The following KDM3A variants were observed in gnomAD, a reference collection of about 807,000 sequenced individuals.
KDM3A encodes lysine-specific demethylase 3A.
KDM3A carries 60 observed loss-of-function variants against 158.0 expected under a neutral mutation model. That is an observed-to-expected ratio of 0.38 (90% CI 0.31 to 0.47). The LOEUF (loss-of-function observed/expected upper bound fraction) is 0.47. Among genes scored for constraint, KDM3A ranks in the 20% least tolerant of loss-of-function variants. The pLI, the probability that KDM3A is intolerant of heterozygous loss-of-function variation, is 0.99. For synonymous variants in KDM3A, 608 were observed against 549.3 expected (o/e 1.11, Z -1.49); for missense variants, 1,319 against 1,574.3 (o/e 0.84, Z 2.74).
At chr2:86,450,701 C>G (rs941383535) in intron 3 of KDM3A, among the ~76,000 whole-genome samples, 7 of 152,212 alleles carry the variant, frequency 4.6e-5, no homozygotes, top group East Asian at 3.9e-4. Flanking sequence ...GTGAAAAGAG[C>G]TGCTATGGAG....
intron 10 of KDM3A, among the ~76,000 whole-genome samples, chr2:86,469,358 CT>C (rs2104670976): frequency 6.6e-6 from 1 of 152,314 alleles, no homozygotes; most frequent in East Asian, 1.9e-4. Context: ...CCACTTCCCT[CT>C]TCTCAGCTCT....
chr2:86,456,440 A>C lies in KDM3A; in HGVS notation c.557-2A>C. 7.5e-7 allele frequency: 1 copy of C among 1,335,452 alleles called. No homozygotes were observed. The highest frequency in any genetic ancestry group is 9.9e-7 in the Non-Finnish European group (1 of 1,008,932). 82.7% of individuals were successfully genotyped at this position (1,335,452 alleles called of 1,614,324 possible). On this transcript the variant is annotated splice_acceptor_variant, in intron 5 of 25. Coordinates refer to ENST00000312912, the MANE Select transcript of KDM3A (RefSeq NM_018433.6). LOFTEE classifies it high-confidence loss of function. ...GATTTTTTTTTTTTTTTTTTTTTTA[A>C]GGTGACAAAAACTTAGTTGGTTCAG...
intron 11 of KDM3A, among the ~76,000 whole-genome samples, chr2:86,473,270 C>T (rs924087290): frequency 6.6e-5 from 10 of 152,196 alleles, no homozygotes; most frequent in Non-Finnish European, 1.2e-4. Flanking sequence ...AAGTGATCCT[C>T]CCATCTCAGC....
At chr2:86,491,434 G>A in intron 25 of KDM3A, 159 bp downstream of exon 25, 1 of 665,296 alleles carries the variant, frequency 1.5e-6, no homozygotes, top group Non-Finnish European at 2.6e-6. Flanking sequence ...ATCTACTTAA[G>A]TGAGGGAGGA....
Position 86,490,912 on chromosome 2 carries a change from C to T in KDM3A, c.3605C>T (p.Ala1202Val). The part of the protein sequence containing the change: ...VSEEQGQENP[A>V]DHDPIHDQSW... ...GAAGAGCAAGGTCAAGAAAACCCAG[C>T]AGACCACGATCCTATTCATGATCAA... is the stretch of plus-strand genomic sequence containing the variant. Residue 1202 changes from alanine (A) to valine (V), a missense_variant, in exon 24 of 26, where the codon GCA becomes GTA. Coordinates refer to ENST00000312912, the MANE Select transcript of KDM3A (RefSeq NM_018433.6). 1 of 1,612,498 alleles carries T rather than the reference C, an allele frequency of 6.2e-7. No individual in the cohort carries two copies. Among genetic ancestry groups the T allele is most frequent in the Non-Finnish European group, 8.5e-7 (1 of 1,179,398 alleles).
At chr2:86,473,300 A>G (rs1260610206) in intron 11 of KDM3A, among the ~76,000 whole-genome samples, 1 of 152,160 alleles carries the variant, frequency 6.6e-6, no homozygotes, top group Non-Finnish European at 1.5e-5. Context: ...AGCTAGGACT[A>G]CAGGCTTGTG....
At chr2:86,448,228 G>A (rs1683033034) in intron 2 of KDM3A, among the ~76,000 whole-genome samples, 2 of 152,198 alleles carry the variant, frequency 1.3e-5, no homozygotes, top group South Asian at 2.1e-4. Context: ...TGTTTTGTTG[G>A]CTGAGAAGGG....
At chr2:86,491,501 T>A in intron 25 of KDM3A, 1 of 537,702 alleles carries the variant, frequency 1.9e-6, no homozygotes, top group East Asian at 3.1e-5. Context: ...TATAAGGGAC[T>A]GTCCCCACAG....
intron 11 of KDM3A, among the ~76,000 whole-genome samples, chr2:86,471,685 G>A (rs970965267): frequency 5.3e-5 from 8 of 152,116 alleles, no homozygotes; most frequent in African/African-American, 1.2e-4. Flanking sequence ...ATCTGTGCTC[G>A]TAACTTTCAG....
chr2:86,482,501 TC>T lies in KDM3A; in HGVS notation c.2730del (p.Phe911LeufsTer20). On this transcript the variant is annotated frameshift_variant, in exon 18 of 26. Transcript: ENST00000312912. LOFTEE classifies it high-confidence loss of function. Reference sequence around the variant, plus strand: ...AATACACCAAAAATCCTTGATGACATCTTTGCCTCTTTGGTGCAAAATAAGA... The same window carrying T: ...AATACACCAAAAATCCTTGATGACATTTTGCCTCTTTGGTGCAAAATAAGA... ...LKNTPKILDD[I>X]FASLVQNKTT... is the part of the protein sequence containing the mutation. The T allele has an allele frequency of 6.2e-7, 1 of 1,614,206 alleles. No individual in the cohort carries two copies. The highest frequency in any genetic ancestry group is 1.1e-5 in the South Asian group (1 of 91,092).
chr2:86,475,074 G>T, intron 12 of KDM3A, 84 bp downstream of exon 12: 1 of 1,092,006 alleles, frequency 9.2e-7, no homozygotes, highest in Non-Finnish European at 1.4e-6. Context: ...AATTGCTTGG[G>T]TTTTTTTTCA....
chr2:86,479,818 G>A (rs1377001695), intron 15 of KDM3A: 1 of 187,306 alleles, frequency 5.3e-6, no homozygotes, highest in African/African-American at 2.4e-5. Flanking sequence ...CATGTTTTCT[G>A]TGCCTATCCT....
At chr2:86,444,543 C>T (rs1286522698) in intron 2 of KDM3A, among the ~76,000 whole-genome samples, 4 of 151,458 alleles carry the variant, frequency 2.6e-5, no homozygotes, top group Admixed American at 6.6e-5. Context: ...TGGTCTGGAA[C>T]TCCTGGGCTC....
intron 2 of KDM3A, among the ~76,000 whole-genome samples, chr2:86,445,166 A>G (rs1479320855): frequency 6.6e-6 from 1 of 152,180 alleles, no homozygotes; most frequent in Non-Finnish European, 1.5e-5. Flanking sequence ...TAGCCTCTAT[A>G]TCCCTAGCAC....
chr2:86,453,180 G>A (rs1307172461), intron 4 of KDM3A, among the ~76,000 whole-genome samples: 1 of 152,158 alleles, frequency 6.6e-6, no homozygotes, highest in Non-Finnish European at 1.5e-5. Context: ...AAGAGGGGCT[G>A]TGGGGCTGTG....
rs990031048 is a variant in KDM3A, at chr2:86,482,851, A to G, written c.2922+157A>G. 4 of 711,556 alleles carry G rather than the reference A, an allele frequency of 5.6e-6. 1 individual carries two copies. The Admixed American group carries it at 8.1e-5, about 14-fold the overall frequency. 44.1% of individuals were successfully genotyped at this position (711,556 alleles called of 1,614,324 possible). On this transcript the variant is annotated intron_variant, in intron 18 of 25. Transcript: ENST00000312912. ...AATATAATCAGGTCAGGATGTGGCC[A>G]TGGGTCTTACTTTTTAAAGCAGATG...
At chr2:86,448,634 A>G (rs1683047263) in intron 2 of KDM3A, among the ~76,000 whole-genome samples, 1 of 152,146 alleles carries the variant, frequency 6.6e-6, no homozygotes, top group Admixed American at 6.5e-5. Flanking sequence ...AGGATATATG[A>G]ATTGTGCTCT....
At chr2:86,466,994 A>C in intron 10 of KDM3A, 111 bp downstream of exon 10, 1 of 905,722 alleles carries the variant, frequency 1.1e-6, no homozygotes, top group Non-Finnish European at 1.6e-6. Flanking sequence ...GAAATAGTTT[A>C]TACAGTCAGA....
intron 2 of KDM3A, among the ~76,000 whole-genome samples, chr2:86,444,568 A>G (rs1362540656): frequency 1.3e-5 from 2 of 150,540 alleles, no homozygotes; most frequent in Non-Finnish European, 2.9e-5. Context: ...CACCAAAACC[A>G]ATTTGTGCTT....
Sources: allele counts gnomAD v4.1 joint callset (sites outside exome capture counted in the v4.1 genomes callset), GRCh38; gene constraint gnomAD v4.1.1; transcripts MANE v1.5; gene names NCBI Gene and HGNC (gene_info 2026-07-23, HGNC 2026-07-21).